The following SLC4A4 variants were observed in gnomAD, a reference collection of about 807,000 sequenced individuals.
SLC4A4 encodes electrogenic sodium bicarbonate cotransporter 1.
Under a neutral mutation model 111.5 loss-of-function variants are expected in SLC4A4, and 27 were observed. The observed-to-expected ratio is 0.24, with a 90% CI of 0.18 to 0.33. SLC4A4 has a LOEUF of 0.33. Among genes scored for constraint, SLC4A4 ranks in the 10% least tolerant of loss-of-function variants. The pLI, the probability that SLC4A4 is intolerant of heterozygous loss-of-function variation, is 1.00. For synonymous variants in SLC4A4, 443 were observed against 463.4 expected (o/e 0.96, Z 0.57); for missense variants, 909 against 1,315.5 (o/e 0.69, Z 4.78).
intron 2 of SLC4A4, among the ~76,000 whole-genome samples, chr4:71,172,259 C>CTT (rs745577250): frequency 1.4e-5 from 2 of 143,334 alleles, no homozygotes; most frequent in Non-Finnish European, 3.1e-5. Flanking sequence ...CTTTTTCTTT[C>CTT]TTTTTTTTTT....
intron 1 of SLC4A4, among the ~76,000 whole-genome samples, chr4:71,073,803 C>T (rs761457279): frequency 4.0e-5 from 6 of 151,832 alleles, no homozygotes; most frequent in Middle Eastern, 3.2e-3. Context: ...CAGAAAAGGC[C>T]GGGTGCGGTG....
chr4:71,183,537 A>G (rs997903327), upstream of SLC4A4, among the ~76,000 whole-genome samples: 1 of 152,238 alleles, frequency 6.6e-6, no homozygotes, highest in Non-Finnish European at 1.5e-5. Context: ...CTTGGAGTGT[A>G]AGTGAAACAA....
At chr4:71,119,723 A>G (rs1294292833) in intron 2 of SLC4A4, among the ~76,000 whole-genome samples, 1 of 152,190 alleles carries the variant, frequency 6.6e-6, no homozygotes, top group Non-Finnish European at 1.5e-5. Flanking sequence ...TTACTTCGAT[A>G]TTGCTTCTAC....
chr4:71,300,699 C>T (rs1443965510), intron 3 of SLC4A4: 6 of 388,626 alleles, frequency 1.5e-5, no homozygotes, highest in East Asian at 6.9e-5. Flanking sequence ...TATGTAGGGG[C>T]ATGGGGCTGG....
At chr4:71,229,387 C>T (rs760612512) in intron 1 of SLC4A4, among the ~76,000 whole-genome samples, 31 of 152,124 alleles carry the variant, frequency 2.0e-4, no homozygotes, top group Admixed American at 1.5e-3. Context: ...TTTGGGTGAA[C>T]GTAAGTTTTT....
At chr4:71,203,716 A>T (rs575448420) in intron 1 of SLC4A4, among the ~76,000 whole-genome samples, 2 of 152,342 alleles carry the variant, frequency 1.3e-5, no homozygotes, top group African/African-American at 4.8e-5. Context: ...ACACTTGTTT[A>T]TTTAAATAGA....
intron 2 of SLC4A4, among the ~76,000 whole-genome samples, chr4:71,144,599 T>C (rs1006437433): frequency 1.3e-5 from 2 of 151,666 alleles, no homozygotes; most frequent in African/African-American, 4.9e-5. Context: ...TTCTTCCATT[T>C]GTTTGTATCC....
chr4:71,443,678 G>A (rs900295970), intron 8 of SLC4A4, among the ~76,000 whole-genome samples: 1 of 152,064 alleles, frequency 6.6e-6, no homozygotes, highest in Non-Finnish European at 1.5e-5. Context: ...CCTAGTTTGT[G>A]CTTTTCTAAT....
chr4:71,267,817 A>T (rs1722398155), intron 3 of SLC4A4, among the ~76,000 whole-genome samples: 1 of 131,594 alleles, frequency 7.6e-6, no homozygotes, highest in Non-Finnish European at 1.7e-5. Flanking sequence ...AAAAAAAAAA[A>T]AGAAAACGAA....
chr4:71,229,833 TC>T (rs1232162380), intron 1 of SLC4A4, among the ~76,000 whole-genome samples: 3 of 150,552 alleles, frequency 2.0e-5, no homozygotes, highest in East Asian at 1.9e-4. Context: ...TTTTTTTTTT[TC>T]CCAGCCCCTG....
chr4:71,089,077 A>G (rs1252788811), intron 1 of SLC4A4, among the ~76,000 whole-genome samples: 2 of 152,008 alleles, frequency 1.3e-5, no homozygotes, highest in African/African-American at 4.8e-5. Flanking sequence ...ACATAGTCCC[A>G]TATTTCTTGG....
chr4:71,393,069 TG>T (rs1719462362), intron 6 of SLC4A4, among the ~76,000 whole-genome samples: 1 of 152,052 alleles, frequency 6.6e-6, no homozygotes, highest in African/African-American at 2.4e-5. Context: ...TAATACTAAC[TG>T]GGGAAAAGTT....
intron 2 of SLC4A4, among the ~76,000 whole-genome samples, chr4:71,132,284 C>T (rs923725391): frequency 1.3e-5 from 2 of 151,986 alleles, no homozygotes; most frequent in African/African-American, 4.8e-5. Flanking sequence ...ATTAATCCAC[C>T]CCTTCTCCAG....
At chr4:71,066,469 G>A (rs1047433904) in intron 1 of SLC4A4, among the ~76,000 whole-genome samples, 6 of 152,000 alleles carry the variant, frequency 3.9e-5, no homozygotes, top group Admixed American at 1.3e-4. Flanking sequence ...TCATTCTAAA[G>A]GATTTAAAGG....
At chr4:71,375,413 C>A (rs1165578620) in intron 6 of SLC4A4, among the ~76,000 whole-genome samples, 1 of 152,262 alleles carries the variant, frequency 6.6e-6, no homozygotes, top group East Asian at 1.9e-4. Context: ...ATTTGCTGGA[C>A]GCTTAGTGCC....
intron 1 of SLC4A4, among the ~76,000 whole-genome samples, chr4:71,188,039 C>A (rs896674538): frequency 2.0e-5 from 3 of 152,228 alleles, no homozygotes; most frequent in Non-Finnish European, 4.4e-5. Context: ...TGGCCAGCGA[C>A]AACGGAGCTC....
At chr4:71,559,699 C>T (rs981586589) in intron 22 of SLC4A4, among the ~76,000 whole-genome samples, 2 of 151,758 alleles carry the variant, frequency 1.3e-5, no homozygotes, top group African/African-American at 4.8e-5. Flanking sequence ...TTGCTAAAAA[C>T]CTTTATGATG....
chr4:71,384,107 A>G (rs1452999787), intron 6 of SLC4A4, among the ~76,000 whole-genome samples: 1 of 152,190 alleles, frequency 6.6e-6, no homozygotes, highest in Admixed American at 6.5e-5. Context: ...TGTGGCTGTC[A>G]TAGCTCTGAA....
At position 71,512,904 on chromosome 4, in the gene SLC4A4, T is replaced by A. The variant is rs534925450; in HGVS notation, c.2166+15212T>A. On this transcript the variant is annotated intron_variant, in intron 16 of 25. Transcript: ENST00000264485. ...CAAAGAGGGTATACTTTACCCAATG[T>A]AAGTTCTTGTCAGCTTTTTTGAGGA... is the stretch of plus-strand genomic sequence containing the variant. 2.3e-4 allele frequency among the ~76,000 whole-genome samples: 35 copies of A among 152,300 alleles called. 1 individual carries two copies. In the South Asian group the frequency reaches 7.0e-3, roughly 31 times the overall value.
Sources: gnomAD v4.1 joint callset for allele counts (sites outside exome capture counted in the v4.1 genomes callset) on GRCh38, gnomAD v4.1.1 for gene constraint, MANE v1.5 for transcripts, NCBI Gene and HGNC (gene_info 2026-07-23, HGNC 2026-07-21) for gene names.